The following MYO3B variants were observed in gnomAD, a reference collection of about 807,000 sequenced individuals.
The protein encoded by MYO3B is myosin IIIB.
In MYO3B, 156 loss-of-function variants were observed where a neutral mutation model predicts 174.6. The observed-to-expected ratio is 0.89, with a 90% confidence interval of 0.78 to 1.02. The LOEUF is 1.02. Ranked by LOEUF, MYO3B falls within the 50% of genes least tolerant of loss-of-function variation. The pLI, the probability that MYO3B is intolerant of heterozygous loss-of-function variation, is 0.00. For synonymous variants in MYO3B, 563 were observed against 569.1 expected, an observed-to-expected ratio of 0.99 and a Z score of 0.15; for missense variants, 1,632 against 1,639.4, an observed-to-expected ratio of 1.00 and a Z score of 0.08.
rs1699203707 is a variant in MYO3B at position 170,654,944 on chromosome 2, G to A, written c.*1823G>A. ...TATTTTATTGTTTAAAAAATAATGT[G>A]TAGAATATATAAATTTTTTATGTTA... On this transcript the variant is annotated 3_prime_UTR_variant, in exon 35 of 35. Coordinates refer to ENST00000408978, the MANE Select transcript of MYO3B (RefSeq NM_138995.5). 6.6e-6 allele frequency: 1 copy of A among 152,100 alleles called. No homozygotes were observed. Among genetic ancestry groups the A allele is most frequent in the Admixed American group, 6.6e-5 (1 of 15,262 alleles). 9.4% of individuals were successfully genotyped at this position (152,100 alleles called of 1,614,324 possible). A position where few individuals can be genotyped will look rare whatever the true frequency, so the allele number is the denominator to read the frequency against.
chr2:170,523,917 G>T (rs1293506850), intron 30 of MYO3B, among the ~76,000 whole-genome samples: 1 of 152,188 alleles, frequency 6.6e-6, no homozygotes, highest in Non-Finnish European at 1.5e-5. Context: ...TGCAAAGGAG[G>T]TTGAGAGATT....
At chr2:170,302,160 G>A (rs573405173) in intron 7 of MYO3B, among the ~76,000 whole-genome samples, 3 of 152,164 alleles carry the variant, frequency 2.0e-5, no homozygotes, top group South Asian at 4.2e-4. Flanking sequence ...CATGACTTCT[G>A]ATTTTAAAAA....
intron 7 of MYO3B, among the ~76,000 whole-genome samples, chr2:170,326,305 C>T (rs915120323): frequency 6.6e-6 from 1 of 152,100 alleles, no homozygotes; most frequent in African/African-American, 2.4e-5. Flanking sequence ...ATTTGAAACA[C>T]ATCTCTTTAA....
At chr2:170,337,931 G>C (rs1163150252) in intron 8 of MYO3B, 1 of 152,220 alleles carries the variant, frequency 6.6e-6, no homozygotes, top group Non-Finnish European at 1.5e-5. Flanking sequence ...GGAGGAAGAA[G>C]AGGAGGGGTT....
intron 8 of MYO3B, among the ~76,000 whole-genome samples, chr2:170,366,336 C>G (rs1167120958): frequency 6.6e-6 from 1 of 152,222 alleles, no homozygotes; most frequent in East Asian, 1.9e-4. Context: ...GGGTCTCACT[C>G]TGTTGCCAGA....
intron 6 of MYO3B, among the ~76,000 whole-genome samples, chr2:170,226,797 C>G (rs1414936288): frequency 6.6e-6 from 1 of 152,180 alleles, no homozygotes; most frequent in Non-Finnish European, 1.5e-5. Context: ...CCAGAAATGT[C>G]AAAGGAACAA....
At chr2:170,297,800 G>A (rs543465868) in intron 7 of MYO3B, among the ~76,000 whole-genome samples, 1 of 152,190 alleles carries the variant, frequency 6.6e-6, no homozygotes, top group Non-Finnish European at 1.5e-5. Flanking sequence ...TCTGATGAAT[G>A]TTAAAATTGC....
chr2:170,294,681 T>G (rs1518733), intron 7 of MYO3B, among the ~76,000 whole-genome samples: 102,973 of 151,968 alleles, frequency 0.68, 35,029 homozygotes, highest in Admixed American at 0.73. Context: ...CTCATACTCA[T>G]TGAAACTACC....
At chr2:170,185,023 A>G (rs2092445961) in intron 1 of MYO3B, among the ~76,000 whole-genome samples, 1 of 150,258 alleles carries the variant, frequency 6.7e-6, no homozygotes, top group South Asian at 2.2e-4. Flanking sequence ...AAATCAGATT[A>G]TTAGATTTTT....
chr2:170,468,542 T>A (rs1327104039), intron 25 of MYO3B, among the ~76,000 whole-genome samples: 1 of 152,150 alleles, frequency 6.6e-6, no homozygotes, highest in Non-Finnish European at 1.5e-5. Flanking sequence ...CTTGCCCCTA[T>A]TATCTTTGAG....
At chr2:170,300,327 CA>C (rs2093657870) in intron 7 of MYO3B, among the ~76,000 whole-genome samples, 1 of 152,200 alleles carries the variant, frequency 6.6e-6, no homozygotes, top group Non-Finnish European at 1.5e-5. Flanking sequence ...AGTGCAAGTT[CA>C]TATGCTTGTG....
chr2:170,583,497 G>C (rs543294550), intron 32 of MYO3B, among the ~76,000 whole-genome samples: 2 of 152,232 alleles, frequency 1.3e-5, no homozygotes, highest in Admixed American at 1.3e-4. Flanking sequence ...CCACTGGTCT[G>C]TATTCATATA....
intron 6 of MYO3B, among the ~76,000 whole-genome samples, chr2:170,227,298 G>C (rs13021523): frequency 5.3e-5 from 8 of 151,860 alleles, no homozygotes; most frequent in African/African-American, 1.2e-4. Flanking sequence ...GAGGGGAAGT[G>C]GGGGGGTACA....
chr2:170,431,896 G>T (rs2105886002), intron 22 of MYO3B, among the ~76,000 whole-genome samples: 1 of 152,266 alleles, frequency 6.6e-6, no homozygotes, highest in African/African-American at 2.4e-5. Context: ...ATACAACTGT[G>T]GTCCCATAAG....
intron 22 of MYO3B, among the ~76,000 whole-genome samples, chr2:170,416,574 T>C (rs1213088299): frequency 1.3e-5 from 2 of 150,088 alleles, no homozygotes; most frequent in East Asian, 3.9e-4. Context: ...ATTCCTCTGT[T>C]TAAAGTTTCC....
chr2:170,439,515 A>G (rs2094783568), intron 22 of MYO3B, among the ~76,000 whole-genome samples: 1 of 152,040 alleles, frequency 6.6e-6, no homozygotes, highest in Non-Finnish European at 1.5e-5. Flanking sequence ...GCTTATCTCT[A>G]CAATTCGTTG....
At chr2:170,583,494 T>C (rs61287659) in intron 32 of MYO3B, among the ~76,000 whole-genome samples, 7,076 of 152,234 alleles carry the variant, frequency 0.046, 325 homozygotes, top group African/African-American at 0.12. Context: ...GGGCCACTGG[T>C]CTGTATTCAT....
intron 14 of MYO3B, among the ~76,000 whole-genome samples, chr2:170,389,527 A>C (rs2094398074): frequency 6.6e-6 from 1 of 152,244 alleles, no homozygotes; most frequent in Admixed American, 6.5e-5. Context: ...CAATCTTGAC[A>C]GATAAAGGGA....
intron 32 of MYO3B, among the ~76,000 whole-genome samples, chr2:170,641,878 CG>C (rs1697995600): frequency 2.8e-5 from 1 of 35,216 alleles, no homozygotes; most frequent in African/African-American, 2.9e-4. Flanking sequence ...GGGGGAGGGG[CG>C]GGGAGCCATA....
Sources: allele counts gnomAD v4.1 joint callset (sites outside exome capture counted in the v4.1 genomes callset), GRCh38; gene constraint gnomAD v4.1.1; transcripts MANE v1.5; gene names NCBI Gene and HGNC (gene_info 2026-07-23, HGNC 2026-07-21).